Variants in ZAP70 observed in about 807,000 individuals in gnomAD.
ZAP70 encodes the protein zeta chain of T cell receptor associated protein kinase 70, also known as tyrosine-protein kinase ZAP-70.
ZAP70 carries 27 observed loss-of-function variants against 65.8 expected under a neutral mutation model. The observed-to-expected ratio is 0.41, with a 90% CI of 0.30 to 0.57. The LOEUF is 0.57. Ranked by LOEUF, ZAP70 falls within the 20% of genes least tolerant of loss-of-function variation. ZAP70 has a pLI of 0.28. For missense variants in ZAP70, 696 were observed against 870.5 expected, an observed-to-expected ratio of 0.80 and a Z score of 2.52; for synonymous variants, 363 against 360.8, an observed-to-expected ratio of 1.01 and a Z score of -0.07.
intron 3 of ZAP70, chr2:97,724,739 G>C: frequency 6.6e-7 from 1 of 1,508,700 alleles, no homozygotes; most frequent in South Asian, 1.2e-5. Flanking sequence ...GGGCGGGGCT[G>C]AGAGGAGGGT....
intron 2 of ZAP70, among the ~76,000 whole-genome samples, chr2:97,719,383 C>A (rs1271076184): frequency 6.6e-6 from 1 of 151,708 alleles, no homozygotes; most frequent in Non-Finnish European, 1.5e-5. Flanking sequence ...GGTCAGAGGG[C>A]AGAGGCAAGC....
At chr2:97,716,686 G>A (rs1676927671) in intron 2 of ZAP70, among the ~76,000 whole-genome samples, 1 of 152,154 alleles carries the variant, frequency 6.6e-6, no homozygotes, top group African/African-American at 2.4e-5. Context: ...ATAACATGAG[G>A]AGGCCCGTGT....
In ZAP70 at chr2:97,730,676, C is replaced by T. The variant is rs6543062; in HGVS notation, c.564-2207C>T. ...CCCACCTATTGATGGGAAGAGCTCCCTAATATTGTGGCTGTTTTCCCCCAG... is the reference window on the plus strand; with the variant it reads ...CCCACCTATTGATGGGAAGAGCTCCTTAATATTGTGGCTGTTTTCCCCCAG... On this transcript the variant is annotated intron_variant, in intron 4 of 13. Transcript: ENST00000264972. Among the ~76,000 whole-genome samples, 1,521 of 152,222 alleles carry T rather than the reference C, an allele frequency of 1.0e-2. 31 individuals are homozygous for T. Among genetic ancestry groups the T allele is most frequent in the African/African-American group, 0.035 (1,444 of 41,546 alleles).
the ZAP70 span, among the ~76,000 whole-genome samples, chr2:97,747,719 T>C: frequency 7.8e-4 from 119 of 151,838 alleles, no homozygotes; most frequent in African/African-American, 2.8e-3. Flanking sequence ...TCTAAAATGG[T>C]TAAAGTGCAT....
chr2:97,731,929 A>C lies in ZAP70; in HGVS notation c.564-954A>C, dbSNP rs1677626637. Among the ~76,000 whole-genome samples, 1 of 152,000 alleles carries C rather than the reference A, an allele frequency of 6.6e-6. No individual in the cohort carries two copies. Among genetic ancestry groups the C allele is most frequent in the Non-Finnish European group, 1.5e-5 (1 of 67,992 alleles). On this transcript the variant is annotated intron_variant, in intron 4 of 13. Coordinates refer to ENST00000264972, the MANE Select transcript of ZAP70 (RefSeq NM_001079.4). This position sits in a 1 kb window ranked among gnomAD's most constrained non-coding sequence, Gnocchi z 4.0. ...CCAGCTGCCCTCCCTCCTCACTGTA[A>C]AGCTACACTTGACCCTGCAATAGAG... is the stretch of plus-strand genomic sequence containing the variant.
rs1289751768 is a variant in ZAP70 at position 97,737,575 on chromosome 2, C to A, written c.1392C>A (p.Ala464=). 3.1e-6 allele frequency: 5 copies of A among 1,613,992 alleles called. No individual in the cohort carries two copies. Among genetic ancestry groups the A allele is most frequent in the Non-Finnish European group, 4.2e-6 (5 of 1,180,006 alleles). Residue 464 remains alanine, a synonymous_variant, in exon 11 of 14, where the codon GCC becomes GCA. Coordinates refer to ENST00000264972, the MANE Select transcript of ZAP70 (RefSeq NM_001079.4). This position sits in a 1 kb window ranked among gnomAD's most constrained non-coding sequence, Gnocchi z 5.0. ...EKNFVHRDLA[A]RNVLLVNRHY... ...ACTTTGTGCACCGTGACCTGGCGGC[C>A]CGCAACGTCCTGCTGGTTAACCGGC...
At chr2:97,725,279 G>A in intron 4 of ZAP70, 27 bp downstream of exon 4, 10 of 1,609,500 alleles carry the variant, frequency 6.2e-6, no homozygotes, top group Non-Finnish European at 8.5e-6. Context: ...ATTTGGGTGC[G>A]GTGAGGATTG....
chr2:97,724,478 G>A (rs1170808440), intron 3 of ZAP70, 40 bp downstream of exon 3: 3 of 1,510,634 alleles, frequency 2.0e-6, no homozygotes, highest in Non-Finnish European at 2.7e-6. Context: ...GGAGGGGCGT[G>A]GCCGAAGAGG....
At position 97,725,129 on chromosome 2, in the gene ZAP70, C is replaced by A; in HGVS notation, c.440C>A (p.Pro147Gln). The A allele has an allele frequency of 6.2e-7, 1 of 1,614,096 alleles. No individual in the cohort carries two copies. The highest frequency in any genetic ancestry group is 8.5e-7 in the Non-Finnish European group (1 of 1,180,008). The change falls in exon 4 of 14, where the codon CCG becomes CAG. Residue 147 changes from proline to glutamine, a missense_variant. By Grantham distance (76) the Pro-to-Gln change is moderately conservative (BLOSUM62 -1). Around this residue, in one of 3 missense-constraint regions of ZAP70, gnomAD observed 551 missense variants for 630.0 expected, o/e 0.87. Coordinates refer to ENST00000264972, the MANE Select transcript of ZAP70 (RefSeq NM_001079.4). ...ALEQAIISQA[P>Q]QVEKLIATTA... Reference sequence around the variant, plus strand: ...GAGCAGGCCATCATCAGCCAGGCCCCGCAGGTGGAGAAGCTCATTGCTACG... The same window carrying A: ...GAGCAGGCCATCATCAGCCAGGCCCAGCAGGTGGAGAAGCTCATTGCTACG...
intron 2 of ZAP70, among the ~76,000 whole-genome samples, chr2:97,718,678 T>C (rs1166086131): frequency 6.6e-6 from 1 of 152,152 alleles, no homozygotes; most frequent in Admixed American, 6.5e-5. Flanking sequence ...TGAGCCTCCC[T>C]CATCTCCTCT....
At chr2:97,746,312 CAA>C in the ZAP70 span, among the ~76,000 whole-genome samples, 4 of 152,140 alleles carry the variant, frequency 2.6e-5, no homozygotes, top group Admixed American at 1.3e-4. Flanking sequence ...GTTAAAATGA[CAA>C]ATATTATTAA....
intron 3 of ZAP70, 81 bp downstream of exon 3, chr2:97,724,519 G>A: frequency 6.6e-7 from 1 of 1,518,548 alleles, no homozygotes; most frequent in Non-Finnish European, 8.8e-7. Flanking sequence ...GGATAGGAGG[G>A]AGGAAAAGGT....
the ZAP70 span, among the ~76,000 whole-genome samples, chr2:97,753,768 T>C: frequency 2.0e-5 from 3 of 152,032 alleles, no homozygotes; most frequent in Admixed American, 6.6e-5. Flanking sequence ...GCTCAGGAGT[T>C]TGAGACCAGA....
rs140077233 is a variant in ZAP70 at position 97,737,665 on chromosome 2, T to C, written c.1482T>C (p.Thr494=). ...TGGGTGCCGACGACAGCTACTACAC[T>C]GTAAGCCTCTGCCCCTGTGATGCCC... is the stretch of plus-strand genomic sequence containing the variant. The part of the protein sequence containing the change: ...KALGADDSYY[T]ARSAGKWPLK... Residue 494 remains threonine (T), a splice_region_variant and synonymous_variant, in exon 11 of 14, where the codon ACT becomes ACC. Coordinates refer to ENST00000264972, the MANE Select transcript of ZAP70 (RefSeq NM_001079.4). The surrounding 1 kb of genome is among the most constrained non-coding windows in gnomAD (Gnocchi z 5.0). The C allele has an allele frequency of 4.3e-6, 7 of 1,613,960 alleles. No individual in the cohort carries two copies. In the South Asian group the frequency reaches 5.5e-5, roughly 13 times the overall value.
rs768157128 is a variant in ZAP70 at position 97,734,729 on chromosome 2, C to T, written c.1082+17C>T. 8.1e-6 allele frequency: 13 copies of T among 1,612,714 alleles called. No individual in the cohort carries two copies. The South Asian group carries it at 1.2e-4, about 15-fold the overall frequency. On this transcript the variant is annotated intron_variant, in intron 9 of 13. Coordinates refer to ENST00000264972, the MANE Select transcript of ZAP70 (RefSeq NM_001079.4). ...CATGCGCAAGTATGGCCGCCCCTGC[C>T]GTGGTGGGAGCACCGCCGCCTGGGG... is the stretch of plus-strand genomic sequence containing the variant.
chr2:97,732,936 A>G lies in ZAP70; in HGVS notation c.617A>G (p.Lys206Arg). 1 of 1,614,100 alleles carries G rather than the reference A, an allele frequency of 6.2e-7. No individual in the cohort carries two copies. Among genetic ancestry groups the G allele is most frequent in the Non-Finnish European group, 8.5e-7 (1 of 1,180,030 alleles). Residue 206 changes from lysine (K) to arginine (R), a missense_variant, in exon 5 of 14, where the codon AAG (lysine) becomes AGG (arginine). This residue lies in a region of ZAP70 where 551 missense variants were observed against 630.0 expected (regional missense o/e 0.87). Transcript: ENST00000264972. ...TACGCCCTGTCCCTCATCTATGGGA[A>G]GACGGTGTACCACTACCTCATCAGC... ...GTYALSLIYG[K>R]TVYHYLISQD...
intron 8 of ZAP70, chr2:97,734,243 A>C (rs1677745763): frequency 1.2e-6 from 1 of 822,456 alleles, no homozygotes; most frequent in Non-Finnish European, 1.8e-6. Flanking sequence ...ACACACATGC[A>C]CACCCCAGCT....
chr2:97,737,566 C>G lies in ZAP70; in HGVS notation c.1383C>G (p.Asp461Glu). 1 of 1,614,148 alleles carries G rather than the reference C, an allele frequency of 6.2e-7. No individual in the cohort carries two copies. The highest frequency in any genetic ancestry group is 8.5e-7 in the Non-Finnish European group (1 of 1,180,000). Residue 461 changes from aspartate (D) to glutamate (E), a missense_variant, in exon 11 of 14, where the codon GAC becomes GAG. This residue lies in a region of ZAP70 where 67 missense variants were observed against 151.9 expected (regional missense o/e 0.44). Coordinates refer to ENST00000264972, the MANE Select transcript of ZAP70 (RefSeq NM_001079.4). The surrounding 1 kb of genome is among the most constrained non-coding windows in gnomAD (Gnocchi z 5.0). ...YLEEKNFVHRDLAARNVLLVN... is the reference protein window; with the variant it reads ...YLEEKNFVHRELAARNVLLVN... ...AGGAGAAGAACTTTGTGCACCGTGA[C>G]CTGGCGGCCCGCAACGTCCTGCTGG...
chr2:97,723,288 G>A (rs1476914168), intron 2 of ZAP70, among the ~76,000 whole-genome samples: 1 of 152,254 alleles, frequency 6.6e-6, no homozygotes, highest in Non-Finnish European at 1.5e-5. Context: ...AGGGCGAGGG[G>A]TGCCTGCTAA....
Sources: gnomAD v4.1 joint callset for allele counts (sites outside exome capture counted in the v4.1 genomes callset) on GRCh38, gnomAD v4.1.1 for gene constraint, gnomAD v4.1.1 regional missense constraint, Gnocchi (gnomAD v3.1) non-coding constraint, MANE v1.5 for transcripts, NCBI Gene and HGNC (gene_info 2026-07-23, HGNC 2026-07-21) for gene names.